SEMA3A: variants seen among roughly 807,000 people sequenced by gnomAD.
SEMA3A encodes the protein semaphorin-3A.
In SEMA3A, 29 loss-of-function variants were observed where a neutral mutation model predicts 97.9. The ratio of observed to expected loss-of-function variants is 0.30; its 90% CI spans 0.22 to 0.40. The LOEUF is 0.40. SEMA3A is among the 10% of genes least tolerant of loss of function. The pLI is 1.00. For synonymous variants in SEMA3A, 321 were observed against 323.7 expected (o/e 0.99, Z 0.09); for missense variants, 763 against 951.3 (o/e 0.80, Z 2.60).
chr7:84,005,102 C>CTAAT (rs1562967355), intron 11 of SEMA3A, among the ~76,000 whole-genome samples: 1 of 152,114 alleles, frequency 6.6e-6, no homozygotes, highest in African/African-American at 2.4e-5. Context: ...AATACAATAT[C>CTAAT]TAATACATAT....
Position 84,262,270 on chromosome 7 carries a change from A to G in SEMA3A, c.-83+44937T>C, listed in dbSNP as rs536292055. On this transcript the variant is annotated intron_variant, in intron 3 of 3. Transcript: ENST00000424555. ...GCTCTTTTTGCCCAGGATGGAGTGCAATGGTACGAGCCTGGCTCATTGTAA... is the reference window on the plus strand; with the variant it reads ...GCTCTTTTTGCCCAGGATGGAGTGCGATGGTACGAGCCTGGCTCATTGTAA... Among the ~76,000 whole-genome samples the G allele has an allele frequency of 1.4e-4, 22 of 152,194 alleles. No individual in the cohort carries two copies. The South Asian group carries it at 2.3e-3, about 16-fold the overall frequency.
intron 1 of SEMA3A, among the ~76,000 whole-genome samples, chr7:84,422,381 T>C (rs2116283130): frequency 6.6e-6 from 1 of 152,144 alleles, no homozygotes; most frequent in Non-Finnish European, 1.5e-5. Context: ...TATCATTTTT[T>C]ATTGTGCCTA....
chr7:84,256,014 C>T (rs73709796), intron 3 of SEMA3A, among the ~76,000 whole-genome samples: 2,666 of 151,892 alleles, frequency 0.018, 80 homozygotes, highest in African/African-American at 0.061. Context: ...TTTCTGAAGA[C>T]GATGTGATTG....
chr7:84,391,210 C>G (rs1249806757), intron 1 of SEMA3A, among the ~76,000 whole-genome samples: 1 of 152,130 alleles, frequency 6.6e-6, no homozygotes, highest in African/African-American at 2.4e-5. Context: ...ATAAGCCATG[C>G]CTACATATCC....
chr7:84,441,513 G>GA (rs897863811), intron 1 of SEMA3A, among the ~76,000 whole-genome samples: 10 of 150,510 alleles, frequency 6.6e-5, no homozygotes, highest in Non-Finnish European at 1.0e-4. Flanking sequence ...GGTGCTGACA[G>GA]AAAAAAAAAT....
At chr7:84,367,314 TATGCC>T (rs1191886030) in intron 2 of SEMA3A, among the ~76,000 whole-genome samples, 2 of 151,476 alleles carry the variant, frequency 1.3e-5, no homozygotes, top group Non-Finnish European at 3.0e-5. Context: ...ATTCAGGTTA[TATGCC>T]ATTGCCTTAA....
At chr7:84,251,939 TA>T (rs1799619694) in intron 3 of SEMA3A, among the ~76,000 whole-genome samples, 2 of 152,174 alleles carry the variant, frequency 1.3e-5, no homozygotes. Context: ...AACATATACT[TA>T]TTGAGACTAG....
chr7:84,051,974 G>T (rs929384302), intron 5 of SEMA3A, among the ~76,000 whole-genome samples: 1 of 150,608 alleles, frequency 6.6e-6, no homozygotes, highest in Admixed American at 6.6e-5. Context: ...ATAATCATGT[G>T]GTTTTTGTCT....
At chr7:84,390,699 G>A (rs1382280043) in intron 1 of SEMA3A, among the ~76,000 whole-genome samples, 1 of 151,662 alleles carries the variant, frequency 6.6e-6, no homozygotes, top group Non-Finnish European at 1.5e-5. Context: ...CTGATAACAG[G>A]ATAAAAAGAA....
intron 1 of SEMA3A, among the ~76,000 whole-genome samples, chr7:84,148,923 T>C (rs961898338): frequency 6.6e-6 from 1 of 152,204 alleles, no homozygotes; most frequent in Non-Finnish European, 1.5e-5. Flanking sequence ...ACATACAAAA[T>C]ATGTGTTAAT....
chr7:84,139,065 A>G (rs1281897256), intron 1 of SEMA3A, among the ~76,000 whole-genome samples: 1 of 152,110 alleles, frequency 6.6e-6, no homozygotes, highest in Admixed American at 6.6e-5. Context: ...CAGAATTTTA[A>G]GTCTTTCTTT....
At chr7:84,313,242 T>C (rs1283179085) in intron 2 of SEMA3A, among the ~76,000 whole-genome samples, 23 of 144,568 alleles carry the variant, frequency 1.6e-4, no homozygotes, top group Non-Finnish European at 3.3e-4. Flanking sequence ...CTCTTTCTCT[T>C]CTCTCCATCC....
rs375274228 is a variant in SEMA3A at position 84,066,920 on chromosome 7, G to A, written c.454-6362C>T. 5.5e-3 allele frequency among the ~76,000 whole-genome samples: 835 copies of A among 151,930 alleles called. 4 individuals carry two copies. Among genetic ancestry groups the A allele is most frequent in the Middle Eastern group, 0.028 (8 of 290 alleles). On this transcript the variant is annotated intron_variant, in intron 4 of 16. Transcript: ENST00000265362. ...TTTCTTCACAGAATTGGAAAAAACT[G>A]CTTTAAAGTTCATATGGAACCAAAA... is the stretch of plus-strand genomic sequence containing the variant.
At chr7:84,216,157 G>A (rs563003363) in intron 3 of SEMA3A, among the ~76,000 whole-genome samples, 31 of 152,146 alleles carry the variant, frequency 2.0e-4, no homozygotes, top group African/African-American at 6.7e-4. Flanking sequence ...CCACCATCTC[G>A]GCTCACTGCC....
At chr7:83,998,993 C>A (rs1307038477) in intron 12 of SEMA3A, among the ~76,000 whole-genome samples, 1 of 152,048 alleles carries the variant, frequency 6.6e-6, no homozygotes, top group Non-Finnish European at 1.5e-5. Context: ...AACAATGCTA[C>A]CTTCTGGAAT....
rs879357975 is a variant in SEMA3A at position 84,342,041 on chromosome 7, AT to A, written c.-169+29782del. On this transcript the variant is annotated intron_variant, in intron 2 of 3. Transcript: ENST00000424555. Reference sequence around the variant, plus strand: ...CAGATTCGTTTGTTCCTTGTCACTAATTTTTTTTTTTTTGACGGAGTTTCAC... The same window carrying A: ...CAGATTCGTTTGTTCCTTGTCACTAATTTTTTTTTTTTGACGGAGTTTCAC... Among the ~76,000 whole-genome samples the A allele has an allele frequency of 2.6e-3, 370 of 145,086 alleles. 1 individual carries two copies. Among genetic ancestry groups the A allele is most frequent in the African/African-American group, 3.7e-3 (148 of 39,894 alleles).
At chr7:84,200,169 AG>A (rs1562848931) in intron 3 of SEMA3A, among the ~76,000 whole-genome samples, 2 of 152,046 alleles carry the variant, frequency 1.3e-5, no homozygotes, top group Admixed American at 6.5e-5. Context: ...AAAAAAAAAA[AG>A]TTTTGTGTTT....
chr7:84,161,997 CCTT>C (rs200724187), intron 1 of SEMA3A, among the ~76,000 whole-genome samples: 4,095 of 152,186 alleles, frequency 0.027, 74 homozygotes, highest in Non-Finnish European at 0.044. Flanking sequence ...AATTCCCAAT[CCTT>C]CTTAAGTATA....
At chr7:84,280,793 T>A (rs1327715805) in intron 3 of SEMA3A, among the ~76,000 whole-genome samples, 1 of 151,938 alleles carries the variant, frequency 6.6e-6, no homozygotes, top group Non-Finnish European at 1.5e-5. Context: ...AATAAATAAA[T>A]AAATAAATAG....
Sources: gnomAD v4.1 joint callset for allele counts (sites outside exome capture counted in the v4.1 genomes callset) on GRCh38, gnomAD v4.1.1 for gene constraint, MANE v1.5 for transcripts, NCBI Gene and HGNC (gene_info 2026-07-23, HGNC 2026-07-21) for gene names.